HELLS: variants seen among roughly 807,000 people sequenced by gnomAD.
HELLS encodes the protein helicase, lymphoid specific.
A neutral mutation model predicts 120.0 loss-of-function variants in HELLS; 32 were observed. That is an observed-to-expected ratio of 0.27 (90% CI 0.20 to 0.36). The LOEUF is 0.36. HELLS is among the 10% of genes least tolerant of loss of function. HELLS has a pLI of 1.00. For missense variants in HELLS, 650 were observed against 993.4 expected, an observed-to-expected ratio of 0.65 and a Z score of 4.65; for synonymous variants, 341 against 323.4, an observed-to-expected ratio of 1.05 and a Z score of -0.58.
At chr10:94,557,071 A>G (rs1843305667) in intron 3 of HELLS, 1 of 205,106 alleles carries the variant, frequency 4.9e-6, no homozygotes, top group Non-Finnish European at 1.0e-5. Flanking sequence ...CACAATTTTA[A>G]GAAAGTTGCT....
At chr10:94,574,806 T>TA (rs1396703930) in intron 9 of HELLS, 70 bp downstream of exon 9, 2 of 1,248,826 alleles carry the variant, frequency 1.6e-6, no homozygotes, top group Non-Finnish European at 2.3e-6. Flanking sequence ...TAGTAGGAAT[T>TA]AAATTGTAGA....
chr10:94,593,896 G>A (rs1249561231), intron 18 of HELLS, among the ~76,000 whole-genome samples: 1 of 151,778 alleles, frequency 6.6e-6, no homozygotes, highest in African/African-American at 2.4e-5. Context: ...CCTGACCTCA[G>A]GTGATCCGCC....
At chr10:94,558,007 T>G in intron 3 of HELLS, 132 bp from the exon 4 acceptor site, 1 of 1,197,610 alleles carries the variant, frequency 8.3e-7, no homozygotes, top group Non-Finnish European at 1.1e-6. Flanking sequence ...GAAGTACAAG[T>G]TCCTCCCTGG....
chr10:94,588,199 CAT>C (rs2134099443), intron 12 of HELLS, 28 bp from the exon 13 acceptor site: 2 of 1,360,406 alleles, frequency 1.5e-6, no homozygotes, highest in South Asian at 2.5e-5. Flanking sequence ...GTTTAATACT[CAT>C]ATTTTTCTGT....
intron 12 of HELLS, among the ~76,000 whole-genome samples, chr10:94,586,757 T>TG (rs1471656179): frequency 6.6e-6 from 1 of 152,080 alleles, no homozygotes; most frequent in East Asian, 1.9e-4. Context: ...AGTGGCAAGA[T>TG]CTTGGCTCAC....
chr10:94,580,673 A>G (rs1457242788), intron 10 of HELLS, among the ~76,000 whole-genome samples: 1 of 151,692 alleles, frequency 6.6e-6, no homozygotes, highest in Non-Finnish European at 1.5e-5. Flanking sequence ...CGTTCTCTAT[A>G]CTCTTTCCTC....
chr10:94,588,176 GA>G, intron 12 of HELLS, 52 bp from the exon 13 acceptor site: 1 of 1,126,544 alleles, frequency 8.9e-7, no homozygotes, highest in South Asian at 1.5e-5. Context: ...AGTATTCCTT[GA>G]AAAACAAGAA....
chr10:94,574,862 T>G, intron 9 of HELLS, 126 bp downstream of exon 9: 3 of 741,538 alleles, frequency 4.0e-6, no homozygotes, highest in African/African-American at 1.8e-5. Context: ...TTGTCTGATT[T>G]GACTTACTCA....
intron 21 of HELLS, among the ~76,000 whole-genome samples, chr10:94,598,481 A>C (rs1845851085): frequency 6.6e-6 from 1 of 152,066 alleles, no homozygotes; most frequent in Non-Finnish European, 1.5e-5. Context: ...TTGAGACCCA[A>C]TTGTTAAACA....
chr10:94,608,437 G>A (rs911637344), intron 9 of HELLS, among the ~76,000 whole-genome samples: 4 of 152,150 alleles, frequency 2.6e-5, no homozygotes, highest in African/African-American at 9.7e-5. Context: ...AGAGTAGCAT[G>A]TGAACTGTTG....
intron 9 of HELLS, among the ~76,000 whole-genome samples, chr10:94,608,323 T>C (rs1188701984): frequency 1.3e-5 from 2 of 152,352 alleles, no homozygotes; most frequent in Middle Eastern, 3.4e-3. Context: ...AGCCTAATTA[T>C]AGATTGGCCC....
chr10:94,588,316 C>G lies in HELLS; in HGVS notation c.1414C>G (p.Leu472Val). 6.2e-7 allele frequency: 1 copy of G among 1,612,218 alleles called. No homozygotes were observed. The highest frequency in any genetic ancestry group is 8.5e-7 in the Non-Finnish European group (1 of 1,178,608). The change falls in exon 13 of 22, where the codon CTT becomes GTT. Residue 472 changes from leucine (L) to valine (V), a missense_variant. Transcript: ENST00000348459. ...ACGAGAAGTAGTCGTTTATGCTCCACTTTCAAAGAAGCAGGAGATCTTTTA... is the reference window on the plus strand; with the variant it reads ...ACGAGAAGTAGTCGTTTATGCTCCAGTTTCAAAGAAGCAGGAGATCTTTTA... ...PKREVVVYAP[L>V]SKKQEIFYTA...
chr10:94,589,409 G>A (rs74527284), intron 13 of HELLS, among the ~76,000 whole-genome samples: 6,473 of 152,180 alleles, frequency 0.043, 484 homozygotes, highest in African/African-American at 0.15. Flanking sequence ...GTATTTTCCC[G>A]TTAGGGATGT....
At chr10:94,571,575 T>C (rs560071842) in intron 7 of HELLS, 146 bp downstream of exon 7, 2 of 585,064 alleles carry the variant, frequency 3.4e-6, no homozygotes, top group South Asian at 6.0e-5. Flanking sequence ...TATTCACTTC[T>C]TCCATATCCA....
chr10:94,552,088 T>C (rs549012339), intron 2 of HELLS, among the ~76,000 whole-genome samples: 1 of 152,170 alleles, frequency 6.6e-6, no homozygotes, highest in South Asian at 2.1e-4. Flanking sequence ...ATTACTTTCC[T>C]CTTAAGTTGA....
chr10:94,566,949 C>T (rs534490767), intron 6 of HELLS, among the ~76,000 whole-genome samples: 1 of 152,304 alleles, frequency 6.6e-6, no homozygotes, highest in East Asian at 1.9e-4. Context: ...GCCACCATGC[C>T]TGGTCCCATA....
intron 21 of HELLS, among the ~76,000 whole-genome samples, chr10:94,599,140 A>AT (rs1386165963): frequency 4.6e-5 from 7 of 152,136 alleles, no homozygotes; most frequent in African/African-American, 1.7e-4. Context: ...TTGCATGTTT[A>AT]TTTGAGTTTT....
intron 18 of HELLS, among the ~76,000 whole-genome samples, chr10:94,593,859 T>C (rs1299069654): frequency 6.6e-6 from 1 of 152,040 alleles, no homozygotes; most frequent in Admixed American, 6.6e-5. Flanking sequence ...GACGGGGTTT[T>C]GCCATGTTGG....
At chr10:94,566,205 T>C (rs1843789583) in intron 6 of HELLS, among the ~76,000 whole-genome samples, 1 of 152,116 alleles carries the variant, frequency 6.6e-6, no homozygotes, top group East Asian at 1.9e-4. Context: ...TTATACACCA[T>C]ATTAGAGGGG....
Sources: gnomAD v4.1 joint callset for allele counts (sites outside exome capture counted in the v4.1 genomes callset) on GRCh38, gnomAD v4.1.1 for gene constraint, MANE v1.5 for transcripts, NCBI Gene and HGNC (gene_info 2026-07-23, HGNC 2026-07-21) for gene names.